The following C11orf98 variants were observed in gnomAD, a reference collection of about 807,000 sequenced individuals.
C11orf98 encodes chromosome 11 open reading frame 98, also known as 28S rRNA/ribosome and sororin micro-cofactor.
A neutral mutation model predicts 10.9 loss-of-function variants in C11orf98; 7 were observed. The ratio of observed to expected loss-of-function variants is 0.64; its 90% CI spans 0.37 to 1.21. The LOEUF (loss-of-function observed/expected upper bound fraction) is 1.21, where lower values mean the gene tolerates loss of function less well. C11orf98 is among the 50% of genes most tolerant of loss of function. The probability of loss-of-function intolerance (pLI) is 0.02; values close to 1 mark genes in which losing one functional copy is unlikely to be tolerated. For synonymous variants in C11orf98, 70 were observed against 57.2 expected (o/e 1.22, Z -1.01); for missense variants, 181 against 153.7 (o/e 1.18, Z -0.94).
In C11orf98 at chr11:62,665,150, T is replaced by C. The variant is rs1427454677; in HGVS notation, c.20A>G (p.Lys7Arg). Residue 7 changes from lysine to arginine, a missense_variant, in exon 1 of 4, where the codon AAG becomes AGG. Transcript: ENST00000524958. ...AGTCACCGTTCGGGGCCGGTTGATC[T>C]TTCCCCCCGGAGCTCCCATAGTCGC... MGAPGG[K>R]INRPRTELKK... 5.1e-6 allele frequency: 5 copies of C among 971,054 alleles called. No individual in the cohort carries two copies. The highest frequency in any genetic ancestry group is 4.1e-5 in the South Asian group (3 of 72,736). 60.2% of individuals were successfully genotyped at this position (971,054 alleles called of 1,614,324 possible).
chr11:62,663,771 G>A (rs56907859), intron 2 of C11orf98, among the ~76,000 whole-genome samples: 1,765 of 149,382 alleles, frequency 0.012, 24 homozygotes, highest in African/African-American at 0.028. Context: ...TTACATTGAA[G>A]AAGCTAATGA....
intron 2 of C11orf98, among the ~76,000 whole-genome samples, chr11:62,664,326 C>CTTTT (rs35917869): frequency 1.0e-4 from 8 of 77,440 alleles, no homozygotes; most frequent in Non-Finnish European, 1.4e-4. Context: ...TCCTGATATT[C>CTTTT]TTTTTTTTTT....
rs547440704 is a variant in C11orf98 at position 62,663,269 on chromosome 11, G to A, written c.229C>T (p.Arg77Trp). 48 of 1,614,170 alleles carry A rather than the reference G, an allele frequency of 3.0e-5. No individual in the cohort carries two copies. Among genetic ancestry groups the A allele is most frequent in the African/African-American group, 2.0e-4 (15 of 75,032 alleles). Residue 77 changes from arginine (R) to tryptophan (W), a missense_variant, in exon 3 of 4, where the codon CGG (arginine) becomes TGG (tryptophan). Coordinates refer to ENST00000524958, the MANE Select transcript of C11orf98 (RefSeq NM_001286086.2). ...GCTGTCTTCTCTTTCTGGGCAAGCC[G>A]GATCTGCTGGAGGAGTTTTCTGCGC... Reference protein sequence around the residue: ...KKRRKLLQQIRLAQKEKTAME... With the variant: ...KKRRKLLQQIWLAQKEKTAME...
chr11:62,664,739 A>G (rs1944747789), intron 2 of C11orf98, 110 bp downstream of exon 2: 3 of 1,374,718 alleles, frequency 2.2e-6, no homozygotes, highest in South Asian at 1.4e-5. Flanking sequence ...CATTCCCCGC[A>G]TAAGCGTCAG....
At chr11:62,663,848 G>A (rs1944718862) in intron 2 of C11orf98, among the ~76,000 whole-genome samples, 1 of 151,564 alleles carries the variant, frequency 6.6e-6, no homozygotes, top group Non-Finnish European at 1.5e-5. Flanking sequence ...TGAGGTGGGC[G>A]GATCACCTGA....
In C11orf98 at chr11:62,663,041, G is replaced by T; in HGVS notation, c.*9C>A. On this transcript the variant is annotated 3_prime_UTR_variant, in exon 4 of 4. Coordinates refer to ENST00000524958, the MANE Select transcript of C11orf98 (RefSeq NM_001286086.2). The stretch of plus-strand genomic sequence containing the variant: ...TGGCTCCAGTTGAGAATCTTCTAGT[G>T]GAAGAGGTTTAGCTCTCATCTTCAA... The T allele has an allele frequency of 6.4e-7, 1 of 1,554,186 alleles. No individual in the cohort carries two copies. Among genetic ancestry groups the T allele is most frequent in the Non-Finnish European group, 8.8e-7 (1 of 1,131,292 alleles).
At position 62,663,091 on chromosome 11, in the gene C11orf98, G is replaced by C. The variant is rs1397629234; in HGVS notation, c.331C>G (p.Pro111Ala). The C allele has an allele frequency of 3.1e-6, 5 of 1,612,810 alleles. No individual in the cohort carries two copies. Among genetic ancestry groups the C allele is most frequent in the Non-Finnish European group, 4.2e-6 (5 of 1,179,278 alleles). Residue 111 changes from proline to alanine, a missense_variant, in exon 4 of 4, where the codon CCC becomes GCC. Coordinates refer to ENST00000524958, the MANE Select transcript of C11orf98 (RefSeq NM_001286086.2). ...QLKRQKKTKA[P>A]QDVEMKDLED... is the part of the protein sequence containing the mutation. Reference sequence around the variant, plus strand: ...AGGTCCTTCATTTCTACATCCTGGGGGGCTTTTGTCTTCTTTTGCCTTTTG... The same window carrying C: ...AGGTCCTTCATTTCTACATCCTGGGCGGCTTTTGTCTTCTTTTGCCTTTTG...
At chr11:62,664,688 T>G (rs1443429958) in intron 2 of C11orf98, among the ~76,000 whole-genome samples, 161 bp downstream of exon 2, 2 of 152,106 alleles carry the variant, frequency 1.3e-5, no homozygotes, top group African/African-American at 4.8e-5. Context: ...CTACAGGTAT[T>G]GTGAGAGGCT....
chr11:62,663,151 G>C lies in C11orf98; in HGVS notation c.271C>G (p.Pro91Ala). 1 of 1,614,014 alleles carries C rather than the reference G, an allele frequency of 6.2e-7. No individual in the cohort carries two copies. The highest frequency in any genetic ancestry group is 1.3e-5 in the African/African-American group (1 of 75,028). ...TCACTAGTCCTGGCTGGCTTTGAAG[G>C]GGCTTCCACTGAGTAAAGGGAAGAA... ...KEKTAMEVEA[P>A]SKPARTSEPQ... The change falls in exon 4 of 4, where the codon CCT becomes GCT. Residue 91 changes from proline to alanine, a missense_variant. Physicochemically the swap from Pro to Ala is conservative, Grantham distance 27. Transcript: ENST00000524958.
At position 62,664,734 on chromosome 11, in the gene C11orf98, C is replaced by G. The variant is rs565177597; in HGVS notation, c.164+115G>C. 83 of 1,344,676 alleles carry G rather than the reference C, an allele frequency of 6.2e-5. No homozygotes were observed. In the East Asian group the frequency reaches 1.5e-3, roughly 24 times the overall value. 83.3% of individuals were successfully genotyped at this position (1,344,676 alleles called of 1,614,324 possible). On this transcript the variant is annotated intron_variant, in intron 2 of 3. Coordinates refer to ENST00000524958, the MANE Select transcript of C11orf98 (RefSeq NM_001286086.2). Reference sequence around the variant, plus strand: ...AGGAACTAACAGCCGACAGACATTCCCCGCATAAGCGTCAGTGCACAAGGT... The same window carrying G: ...AGGAACTAACAGCCGACAGACATTCGCCGCATAAGCGTCAGTGCACAAGGT...
At position 62,664,931 on chromosome 11, in the gene C11orf98, G is replaced by C; in HGVS notation, c.82C>G (p.Arg28Gly). 2.5e-6 allele frequency: 4 copies of C among 1,607,626 alleles called. No homozygotes were observed. The South Asian group carries it at 3.3e-5, about 13-fold the overall frequency. Residue 28 changes from arginine (R) to glycine (G), a missense_variant, in exon 2 of 4, where the codon CGG (arginine) becomes GGG (glycine). Physicochemically the swap from Arg to Gly is moderately radical, Grantham distance 125. Coordinates refer to ENST00000524958, the MANE Select transcript of C11orf98 (RefSeq NM_001286086.2). ...KLFKRRRVLNRERRLRHRVVG... is the reference protein window; with the variant it reads ...KLFKRRRVLNGERRLRHRVVG... ...ACCCGGTGCCTCAGACGCCGCTCCC[G>C]ATTCAACACCCGCCGGCGTTTGAAC...
intron 2 of C11orf98, 140 bp downstream of exon 2, chr11:62,664,709 A>G: frequency 8.8e-7 from 1 of 1,132,134 alleles, no homozygotes; most frequent in Non-Finnish European, 1.2e-6. Context: ...ATCAGAGCTT[A>G]GGAACTAACA....
intron 1 of C11orf98, 65 bp from the exon 2 acceptor site, chr11:62,665,038 G>A (rs1445764592): frequency 3.1e-6 from 5 of 1,595,190 alleles, no homozygotes; most frequent in African/African-American, 1.3e-5. Flanking sequence ...CCCTCCACCA[G>A]GCAGCCCCGG....
rs184364824 is a variant in C11orf98, at chr11:62,663,052, A to C, written c.370T>G (p.Ter124GluextTer42). The C allele has an allele frequency of 1.0e-5, 16 of 1,575,880 alleles. No homozygotes were observed. The East Asian group carries it at 3.6e-4, about 35-fold the overall frequency. Residue 124 changes from the stop codon to glutamate (E), a stop_lost, in exon 4 of 4, where the codon TAA becomes GAA. Coordinates refer to ENST00000524958, the MANE Select transcript of C11orf98 (RefSeq NM_001286086.2). ...VEMKDLEDES[*>E] ...GAGAATCTTCTAGTGGAAGAGGTTT[A>C]GCTCTCATCTTCAAGGTCCTTCATT...
chr11:62,664,323 A>AT (rs1944732698), intron 2 of C11orf98, among the ~76,000 whole-genome samples: 1 of 124,036 alleles, frequency 8.1e-6, no homozygotes, highest in African/African-American at 3.1e-5. Flanking sequence ...ATTTCCTGAT[A>AT]TTCTTTTTTT....
Position 62,665,171 on chromosome 11 carries a change from G to A in C11orf98, c.-2C>T. On this transcript the variant is annotated 5_prime_UTR_variant, in exon 1 of 4. Transcript: ENST00000524958. ...GATCTTTCCCCCCGGAGCTCCCATAGTCGCGATTCCACTCCAGTTCACGGT... is the reference window on the plus strand; with the variant it reads ...GATCTTTCCCCCCGGAGCTCCCATAATCGCGATTCCACTCCAGTTCACGGT... 5 of 865,164 alleles carry A rather than the reference G, an allele frequency of 5.8e-6. No individual in the cohort carries two copies. Among genetic ancestry groups the A allele is most frequent in the Non-Finnish European group, 9.4e-6 (5 of 533,468 alleles). The allele number at this position is 865,164 out of a possible 1,614,324, so 53.6% of individuals were successfully genotyped here. A position where few individuals can be genotyped will look rare whatever the true frequency, so the allele number is the denominator to read the frequency against.
In C11orf98 at chr11:62,665,194, G is replaced by T. The variant is rs1252790417; in HGVS notation, c.-25C>A. ...TAGTCGCGATTCCACTCCAGTTCAC[G>T]GTCCGTACTTCCGCTCAGCGCCGGA... On this transcript the variant is annotated 5_prime_UTR_variant, in exon 1 of 4. Transcript: ENST00000524958. 1.5e-5 allele frequency: 12 copies of T among 807,948 alleles called. No homozygotes were observed. In the Admixed American group the frequency reaches 1.6e-4, roughly 11 times the overall value. 50.0% of individuals were successfully genotyped at this position (807,948 alleles called of 1,614,324 possible). A position where few individuals can be genotyped will look rare whatever the true frequency, so the allele number is the denominator to read the frequency against.
intron 2 of C11orf98, 62 bp from the exon 3 acceptor site, chr11:62,663,395 T>C (rs1944706020): frequency 6.6e-7 from 1 of 1,513,520 alleles, no homozygotes; most frequent in African/African-American, 1.4e-5. Context: ...GTCACACAAA[T>C]AGTTCTGGCT....
chr11:62,663,752 C>T (rs533170905), intron 2 of C11orf98, among the ~76,000 whole-genome samples: 3 of 149,676 alleles, frequency 2.0e-5, no homozygotes, highest in Middle Eastern at 6.9e-3. Flanking sequence ...TAATAGAAAC[C>T]CTAAATATTT....
Sources: gnomAD v4.1 joint callset for allele counts (sites outside exome capture counted in the v4.1 genomes callset) on GRCh38, gnomAD v4.1.1 for gene constraint, MANE v1.5 for transcripts, NCBI Gene and HGNC (gene_info 2026-07-23, HGNC 2026-07-21) for gene names.